Variants in PPIL6 observed in about 807,000 individuals in gnomAD.
PPIL6 encodes probable inactive peptidyl-prolyl cis-trans isomerase-like 6.
In PPIL6, 39 loss-of-function variants were observed where a neutral mutation model predicts 36.8. The ratio of observed to expected loss-of-function variants is 1.06; its 90% CI spans 0.82 to 1.38. PPIL6 has a LOEUF of 1.38. Ranked by LOEUF, PPIL6 falls within the 40% of genes most tolerant of loss-of-function variation. The pLI, the probability that PPIL6 is intolerant of heterozygous loss-of-function variation, is 0.00. For missense variants in PPIL6, 368 were observed against 379.1 expected, an observed-to-expected ratio of 0.97 and a Z score of 0.24; for synonymous variants, 123 against 134.1, an observed-to-expected ratio of 0.92 and a Z score of 0.57.
chr6:109,428,194 T>A (rs540925260), intron 3 of PPIL6, among the ~76,000 whole-genome samples: 6 of 152,286 alleles, frequency 3.9e-5, no homozygotes, highest in Admixed American at 2.6e-4. Context: ...AGTTTCAACA[T>A]AATAGCATTC....
intron 7 of PPIL6, among the ~76,000 whole-genome samples, chr6:109,393,401 A>G (rs530591612): frequency 7.3e-5 from 11 of 151,612 alleles, no homozygotes; most frequent in Non-Finnish European, 1.5e-4. Flanking sequence ...TTGTTTATTT[A>G]TTTTTGTACA....
intron 7 of PPIL6, among the ~76,000 whole-genome samples, chr6:109,398,097 G>A (rs1440306686): frequency 2.0e-5 from 3 of 152,198 alleles, no homozygotes; most frequent in East Asian, 1.9e-4. Flanking sequence ...TCACCATGTT[G>A]GCCAGGATGG....
In PPIL6 at chr6:109,434,668, T is replaced by C. The variant is rs9398201; in HGVS notation, c.231+1436A>G. On this transcript the variant is annotated intron_variant, in intron 2 of 7. Transcript: ENST00000521072. ...TAATCACAGGATCACAGGACATCCTTGTGCAACCCAGCACAGAACAATCGA... is the reference window on the plus strand; with the variant it reads ...TAATCACAGGATCACAGGACATCCTCGTGCAACCCAGCACAGAACAATCGA... 3.4e-4 allele frequency among the ~76,000 whole-genome samples: 52 copies of C among 152,268 alleles called. 5 individuals are homozygous for C. Among genetic ancestry groups the C allele is most frequent in the East Asian group, 2.7e-3 (14 of 5,180 alleles).
At chr6:109,417,825 C>T (rs116591357) in intron 6 of PPIL6, among the ~76,000 whole-genome samples, 1,765 of 152,276 alleles carry the variant, frequency 0.012, 37 homozygotes, top group African/African-American at 0.041. Context: ...TGTTACTGAT[C>T]GCTATAGCCA....
rs185441168 is a variant in PPIL6 at position 109,394,347 on chromosome 6, G to A, written c.825-1410C>T. On this transcript the variant is annotated intron_variant, in intron 7 of 7. Transcript: ENST00000521072. ...GAGTTTGCACCACTGCACTCAGCCTGGGCCATAGAGCGAGACTTATCTCAA... is the reference window on the plus strand; with the variant it reads ...GAGTTTGCACCACTGCACTCAGCCTAGGCCATAGAGCGAGACTTATCTCAA... Among the ~76,000 whole-genome samples, 442 of 148,414 alleles carry A rather than the reference G, an allele frequency of 3.0e-3. 1 individual carries two copies. Among genetic ancestry groups the A allele is most frequent in the Middle Eastern group, 0.01 (3 of 290 alleles).
chr6:109,414,191 C>T (rs1773137301), intron 6 of PPIL6, among the ~76,000 whole-genome samples: 1 of 152,130 alleles, frequency 6.6e-6, no homozygotes, highest in Non-Finnish European at 1.5e-5. Flanking sequence ...CATTGCTTGC[C>T]TGTACCAAAA....
At chr6:109,400,297 TA>T in intron 6 of PPIL6, 127 bp from the exon 7 acceptor site, 1 of 728,456 alleles carries the variant, frequency 1.4e-6, no homozygotes, top group Non-Finnish European at 2.1e-6. Context: ...TTCCAAATTG[TA>T]AATATTCTAT....
chr6:109,414,428 G>T (rs1158009138), intron 6 of PPIL6, among the ~76,000 whole-genome samples: 3 of 140,782 alleles, frequency 2.1e-5, no homozygotes, highest in African/African-American at 7.9e-5. Context: ...TTCTAATTCT[G>T]ATTTATGAGC....
chr6:109,434,717 A>C (rs945885858), intron 2 of PPIL6, among the ~76,000 whole-genome samples: 1 of 152,130 alleles, frequency 6.6e-6, no homozygotes, highest in Non-Finnish European at 1.5e-5. Flanking sequence ...AAGGGAAATG[A>C]GGTTTCATCA....
chr6:109,425,057 G>A (rs1431553621), intron 5 of PPIL6, among the ~76,000 whole-genome samples: 2 of 152,214 alleles, frequency 1.3e-5, no homozygotes, highest in African/African-American at 2.4e-5. Context: ...CTGGATCATG[G>A]GAACTGGACA....
upstream of PPIL6, chr6:109,441,059 C>T (rs1481672663): frequency 4.5e-6 from 7 of 1,557,546 alleles, no homozygotes; most frequent in Admixed American, 1.0e-4. Flanking sequence ...CGGCCGCCCC[C>T]GTCCCCACCG....
intron 6 of PPIL6, among the ~76,000 whole-genome samples, chr6:109,407,219 T>C (rs1044267282): frequency 2.6e-5 from 4 of 152,130 alleles, no homozygotes; most frequent in African/African-American, 7.2e-5. Context: ...TTTAAAGTCA[T>C]GTTCAGGACT....
intron 5 of PPIL6, among the ~76,000 whole-genome samples, chr6:109,425,647 G>A (rs181586484): frequency 2.0e-5 from 3 of 151,984 alleles, no homozygotes; most frequent in East Asian, 3.9e-4. Flanking sequence ...TACTCGGGAG[G>A]CTGAGGCAGG....
intron 5 of PPIL6, among the ~76,000 whole-genome samples, chr6:109,421,639 C>T (rs539710333): frequency 1.3e-5 from 2 of 152,288 alleles, no homozygotes; most frequent in African/African-American, 4.8e-5. Flanking sequence ...CTTCTGAACT[C>T]ACACTGAAGA....
chr6:109,423,061 C>T (rs1040496556), intron 5 of PPIL6, among the ~76,000 whole-genome samples: 1 of 152,072 alleles, frequency 6.6e-6, no homozygotes, highest in Non-Finnish European at 1.5e-5. Context: ...GGTATGTTCT[C>T]TTTAAGCAAT....
chr6:109,431,099 A>C (rs965093864), intron 3 of PPIL6, 58 bp downstream of exon 3: 1 of 1,194,454 alleles, frequency 8.4e-7, no homozygotes, highest in African/African-American at 1.5e-5. Context: ...ATTAATGCTG[A>C]ATCAATATAA....
At chr6:109,435,978 T>C in intron 2 of PPIL6, 126 bp downstream of exon 2, 1 of 730,368 alleles carries the variant, frequency 1.4e-6, no homozygotes, top group South Asian at 1.5e-5. Context: ...GAAAAGTACG[T>C]AATGTAGAGA....
rs1343088651 is a variant in PPIL6 at position 109,405,075 on chromosome 6, T to C, written c.689-4905A>G. 1.8e-5 allele frequency: 7 copies of C among 396,636 alleles called. No homozygotes were observed. In the Admixed American group the frequency reaches 2.0e-4, roughly 12 times the overall value. The allele number at this position is 396,636 out of a possible 1,614,324, so 24.6% of individuals were successfully genotyped here. A position where few individuals can be genotyped will look rare whatever the true frequency, so the allele number is the denominator to read the frequency against. ...TCAAAAAAGGAAAAAAAAAAAGATA[T>C]CTTTTCATAACCTTTTCATTTTATT... On this transcript the variant is annotated intron_variant, in intron 6 of 7. Coordinates refer to ENST00000521072, the MANE Select transcript of PPIL6 (RefSeq NM_173672.5).
Position 109,392,852 on chromosome 6 carries a change from T to C in PPIL6, c.910A>G (p.Thr304Ala), listed in dbSNP as rs995649225. ...NERPIHMCRI[T>A]DSGDPYA is the part of the protein sequence containing the mutation. ...CAAGCATAAGGATCTCCACTGTCAG[T>C]AATTCTACACATATGTATTGGTCTT... Residue 304 changes from threonine to alanine, a missense_variant, in exon 8 of 8, where the codon ACT becomes GCT. By Grantham distance (58) the Thr-to-Ala change is moderately conservative (BLOSUM62 0). Coordinates refer to ENST00000521072, the MANE Select transcript of PPIL6 (RefSeq NM_173672.5). The C allele has an allele frequency of 1.3e-6, 2 of 1,589,510 alleles. No individual in the cohort carries two copies. The highest frequency in any genetic ancestry group is 1.7e-5 in the Admixed American group (1 of 58,642).
Sources: gnomAD v4.1 joint callset for allele counts (sites outside exome capture counted in the v4.1 genomes callset) on GRCh38, gnomAD v4.1.1 for gene constraint, MANE v1.5 for transcripts, NCBI Gene and HGNC (gene_info 2026-07-23, HGNC 2026-07-21) for gene names.